The following RYR3 variants were observed in gnomAD, a reference collection of about 807,000 sequenced individuals.
The protein encoded by RYR3 is ryanodine receptor 3.
A neutral mutation model predicts 584.3 loss-of-function variants in RYR3; 207 were observed. That is an observed-to-expected ratio of 0.35 (90% CI 0.32 to 0.40). The LOEUF (loss-of-function observed/expected upper bound fraction) is 0.40. Among genes scored for constraint, RYR3 ranks in the 10% least tolerant of loss-of-function variants. RYR3 has a pLI of 1.00. For missense variants in RYR3, 5,616 were observed against 6,089.2 expected (o/e 0.92, Z 2.59); for synonymous variants, 2,416 against 2,248.5 (o/e 1.07, Z -2.11).
chr15:33,664,589 G>GTGTGTA (rs577496539), intron 36 of RYR3, among the ~76,000 whole-genome samples: 6 of 91,360 alleles, frequency 6.6e-5, no homozygotes, highest in East Asian at 3.1e-4. Flanking sequence ...GTGTGTGTGT[G>GTGTGTA]TATATATATA....
At chr15:33,338,255 GATTT>G (rs1971388739) in intron 1 of RYR3, among the ~76,000 whole-genome samples, 2 of 152,104 alleles carry the variant, frequency 1.3e-5, no homozygotes, top group South Asian at 4.2e-4. Flanking sequence ...CATTTTAGGA[GATTT>G]ATTTAAGGAT....
chr15:33,505,712 T>G (rs2142794437), intron 3 of RYR3, among the ~76,000 whole-genome samples: 1 of 152,302 alleles, frequency 6.6e-6, no homozygotes, highest in South Asian at 2.1e-4. Context: ...CAGGATGGTC[T>G]TGATCTCCTG....
intron 1 of RYR3, among the ~76,000 whole-genome samples, chr15:33,326,961 A>G (rs1338022029): frequency 6.6e-6 from 1 of 151,868 alleles, no homozygotes; most frequent in African/African-American, 2.4e-5. Context: ...CATTTGTGCA[A>G]TTGCAACTGT....
At chr15:33,862,620 G>A (rs981445614) in intron 102 of RYR3, among the ~76,000 whole-genome samples, 3 of 152,030 alleles carry the variant, frequency 2.0e-5, no homozygotes, top group Non-Finnish European at 1.5e-5. Context: ...CATGAGTTTT[G>A]TTTTTTTATT....
rs1596287894 is a variant in RYR3, at chr15:33,471,904, A to G, written c.52-1515A>G. On this transcript the variant is annotated intron_variant, in intron 1 of 103. Coordinates refer to ENST00000634891, the MANE Select transcript of RYR3 (RefSeq NM_001036.6). The stretch of plus-strand genomic sequence containing the variant: ...CCTCATTACCTGCCCCTGACCACCA[A>G]TGCCATTAGGAGGATCCTAACGCCC... Among the ~76,000 whole-genome samples the G allele has an allele frequency of 2.0e-5, 3 of 152,272 alleles. No individual in the cohort carries two copies. In the South Asian group the frequency reaches 6.2e-4, roughly 32 times the overall value.
At chr15:33,854,993 G>A in intron 98 of RYR3, 81 bp downstream of exon 98, 1 of 1,329,772 alleles carries the variant, frequency 7.5e-7, no homozygotes, top group Non-Finnish European at 1.0e-6. Context: ...TACAGTATAT[G>A]ACAGGAAGGA....
chr15:33,465,663 G>C (rs528859881), intron 1 of RYR3: 7 of 514,514 alleles, frequency 1.4e-5, no homozygotes, highest in Non-Finnish European at 2.7e-5. Context: ...AAAAGACTCT[G>C]GCTACTGTGT....
intron 11 of RYR3, among the ~76,000 whole-genome samples, chr15:33,566,473 C>T (rs565614043): frequency 2.0e-4 from 30 of 152,254 alleles, no homozygotes; most frequent in South Asian, 1.0e-3. Flanking sequence ...TTCATCAAAG[C>T]GCTGTGTCTA....
At chr15:33,839,219 T>G (rs1037868109) in intron 89 of RYR3, among the ~76,000 whole-genome samples, 3 of 152,180 alleles carry the variant, frequency 2.0e-5, no homozygotes, top group Non-Finnish European at 4.4e-5. Flanking sequence ...CCTGTGACAC[T>G]TTGCCTCAGA....
At chr15:33,818,552 A>C (rs369320511) in intron 75 of RYR3, 26 bp from the exon 76 acceptor site, 2 of 1,571,784 alleles carry the variant, frequency 1.3e-6, no homozygotes, top group Non-Finnish European at 1.8e-6. Context: ...TTCATGCCTA[A>C]AACCTATCTG....
At chr15:33,815,849 TTTC>T in intron 74 of RYR3, 1 of 398,598 alleles carries the variant, frequency 2.5e-6, no homozygotes, top group Non-Finnish European at 4.4e-6. Flanking sequence ...AAATTAATAA[TTTC>T]TTCCTGAGCA....
In RYR3 at chr15:33,634,612, T is replaced by G; in HGVS notation, c.3054T>G (p.Arg1018=). 6.2e-7 allele frequency: 1 copy of G among 1,613,924 alleles called. No homozygotes were observed. Among genetic ancestry groups the G allele is most frequent in the Non-Finnish European group, 8.5e-7 (1 of 1,179,866 alleles). ...ATTTGAAGAACAAAAGAAATCCCCGTCTGGTGCCATATGCATTACTGGATG... is the reference window on the plus strand; with the variant it reads ...ATTTGAAGAACAAAAGAAATCCCCGGCTGGTGCCATATGCATTACTGGATG... ...QQDLKNKRNP[R]LVPYALLDER... is the part of the protein sequence containing the mutation. Residue 1018 remains arginine, a synonymous_variant, in exon 25 of 104, where the codon CGT becomes CGG. Coordinates refer to ENST00000634891, the MANE Select transcript of RYR3 (RefSeq NM_001036.6).
chr15:33,810,639 G>A lies in RYR3; in HGVS notation c.10187G>A (p.Arg3396Gln), dbSNP rs771747010. ...GAGCTGATCTCCCTCGCAAAATCGCGATACAGCCATGTAAGCTGCCCGTCT... is the reference window on the plus strand; with the variant it reads ...GAGCTGATCTCCCTCGCAAAATCGCAATACAGCCATGTAAGCTGCCCGTCT... Reference protein sequence around the residue: ...DQELISLAKSRYSHRDTDEEV... With the variant: ...DQELISLAKSQYSHRDTDEEV... The change falls in exon 71 of 104, where the codon CGA (arginine) becomes CAA (glutamine). Residue 3396 changes from arginine to glutamine, a missense_variant. By Grantham distance (43) the Arg-to-Gln change is conservative. Coordinates refer to ENST00000634891, the MANE Select transcript of RYR3 (RefSeq NM_001036.6). The A allele has an allele frequency of 3.1e-6, 5 of 1,613,982 alleles. No homozygotes were observed. The Middle Eastern group carries it at 5.0e-4, about 160-fold the overall frequency.
At chr15:33,822,215 C>T (rs558341039) in intron 80 of RYR3, among the ~76,000 whole-genome samples, 2 of 152,202 alleles carry the variant, frequency 1.3e-5, no homozygotes, top group Non-Finnish European at 2.9e-5. Context: ...CTTCAACAAT[C>T]TGAATTGGAA....
intron 2 of RYR3, 69 bp from the exon 3 acceptor site, chr15:33,503,562 A>G (rs1191190459): frequency 2.2e-6 from 2 of 894,016 alleles, no homozygotes; most frequent in Non-Finnish European, 3.6e-6. Context: ...TTTGCCCTTG[A>G]GATGTTGTTG....
chr15:33,353,918 T>G (rs777900112), intron 1 of RYR3, among the ~76,000 whole-genome samples: 2 of 152,192 alleles, frequency 1.3e-5, no homozygotes, highest in Admixed American at 6.5e-5. Context: ...AAATCATGTT[T>G]TAACTCTGGG....
At chr15:33,860,541 C>G (rs1597105469) in intron 100 of RYR3, 54 bp from the exon 101 acceptor site, 3 of 1,065,512 alleles carry the variant, frequency 2.8e-6, no homozygotes, top group Non-Finnish European at 2.7e-6. Context: ...TTTATCATTC[C>G]TCTACCCCTG....
chr15:33,690,591 T>C (rs1356525937), intron 38 of RYR3, among the ~76,000 whole-genome samples: 5 of 152,244 alleles, frequency 3.3e-5, no homozygotes, highest in African/African-American at 9.6e-5. Flanking sequence ...TCTAGGTTCA[T>C]GTCTCAGCTA....
At chr15:33,624,777 G>A (rs1220073241) in intron 20 of RYR3, among the ~76,000 whole-genome samples, 9 of 152,170 alleles carry the variant, frequency 5.9e-5, no homozygotes, top group African/African-American at 1.9e-4. Context: ...ACACAGCAGG[G>A]CTATTTGAAT....
Sources: gnomAD v4.1 joint callset for allele counts (sites outside exome capture counted in the v4.1 genomes callset) on GRCh38, gnomAD v4.1.1 for gene constraint, MANE v1.5 for transcripts, NCBI Gene and HGNC (gene_info 2026-07-23, HGNC 2026-07-21) for gene names.